Variants in PSD3 observed in about 807,000 individuals in gnomAD.
The protein encoded by PSD3 is PH and SEC7 domain-containing protein 3.
PSD3 carries 49 observed loss-of-function variants against 105.5 expected under a neutral mutation model. The ratio of observed to expected loss-of-function variants is 0.46; its 90% CI spans 0.37 to 0.59. The LOEUF (loss-of-function observed/expected upper bound fraction) is 0.59, where lower values mean the gene tolerates loss of function less well. Ranked by LOEUF, PSD3 falls within the 20% of genes least tolerant of loss-of-function variation. The pLI, the probability that PSD3 is intolerant of heterozygous loss-of-function variation, is 0.00. For missense variants in PSD3, 1,561 were observed against 1,263.8 expected, an observed-to-expected ratio of 1.24 and a Z score of -3.57; for synonymous variants, 557 against 457.8, an observed-to-expected ratio of 1.22 and a Z score of -2.77.
In PSD3 at chr8:18,575,283, A is replaced by G; in HGVS notation, c.2484T>C (p.Asp828=). 1 of 1,587,452 alleles carries G rather than the reference A, an allele frequency of 6.3e-7. No homozygotes were observed. Among genetic ancestry groups the G allele is most frequent in the Non-Finnish European group, 8.6e-7 (1 of 1,167,588 alleles). The change falls in exon 13 of 16, where the codon GAT becomes GAC. Residue 828 remains aspartate, a splice_region_variant and synonymous_variant. Transcript: ENST00000327040. ...ACAAGGCCTTTTCTGGCTTGTATTC[A>G]TCCTATAGATGGACACAAAGAAAAT... ...LKGTVLYLQK[D]EYKPEKALSE...
chr8:18,546,448 T>C (rs1297495059), intron 15 of PSD3, among the ~76,000 whole-genome samples: 1 of 152,198 alleles, frequency 6.6e-6, no homozygotes, highest in African/African-American at 2.4e-5. Flanking sequence ...CCATAAGTTA[T>C]GTGTGACTAT....
At chr8:18,551,256 G>A (rs1025339157) in intron 15 of PSD3, among the ~76,000 whole-genome samples, 7 of 152,244 alleles carry the variant, frequency 4.6e-5, no homozygotes, top group Admixed American at 4.6e-4. Flanking sequence ...ACCAGAAAGT[G>A]TTCTCCAAAG....
At position 18,623,478 on chromosome 8, in the gene PSD3, G is replaced by GA. The variant is rs564571264; in HGVS notation, c.2410+9134dup. The stretch of plus-strand genomic sequence containing the variant: ...AAAAAAAAAAAAAAAAAAGAAAAAG[G>GA]AAAAAAAAAAAATTAGCTGGGCATG... On this transcript the variant is annotated intron_variant, in intron 11 of 15. Transcript: ENST00000327040. Among the ~76,000 whole-genome samples the GA allele has an allele frequency of 7.3e-3, 975 of 134,368 alleles. 9 individuals carry two copies. The highest frequency in any genetic ancestry group is 0.019 in the African/African-American group (700 of 36,110). The allele number at this position is 134,368 out of a possible 152,430, so 88.2% of individuals were successfully genotyped here. A position where few individuals can be genotyped will look rare whatever the true frequency, so the allele number is the denominator to read the frequency against.
intron 4 of PSD3, among the ~76,000 whole-genome samples, chr8:18,839,794 T>A (rs373364108): frequency 5.9e-5 from 9 of 152,058 alleles, no homozygotes; most frequent in Non-Finnish European, 1.2e-4. Flanking sequence ...TGGCTATAAC[T>A]CTCCCATGAC....
chr8:18,875,414 A>C (rs1387573395), intron 2 of PSD3, among the ~76,000 whole-genome samples: 1 of 152,188 alleles, frequency 6.6e-6, no homozygotes, highest in African/African-American at 2.4e-5. Flanking sequence ...CTAGGGTGGA[A>C]TATTGATATT....
Position 18,560,482 on chromosome 8 carries a change from CA to C in PSD3, c.2785-4131del, listed in dbSNP as rs147551394. Reference sequence around the variant, plus strand: ...GATGGCAGAAAAATATTACATTTGACAAAGAAAAGGCATGGAGATAGAAAAT... The same window carrying C: ...GATGGCAGAAAAATATTACATTTGACAAGAAAAGGCATGGAGATAGAAAAT... On this transcript the variant is annotated intron_variant, in intron 14 of 15. Coordinates refer to ENST00000327040, the MANE Select transcript of PSD3 (RefSeq NM_015310.4). Among the ~76,000 whole-genome samples the C allele has an allele frequency of 3.7e-3, 564 of 151,818 alleles. 2 individuals are homozygous for C. The highest frequency in any genetic ancestry group is 6.6e-3 in the Non-Finnish European group (449 of 67,940).
At chr8:18,935,983 C>A in intron 2 of PSD3, 51 bp downstream of exon 2, 3 of 1,198,722 alleles carry the variant, frequency 2.5e-6, no homozygotes, top group Non-Finnish European at 3.7e-6. Flanking sequence ...ACTTTGAAAT[C>A]ACAGCTCTTC....
intron 1 of PSD3, among the ~76,000 whole-genome samples, chr8:19,076,762 G>A (rs1054461123): frequency 5.3e-5 from 8 of 152,060 alleles, no homozygotes; most frequent in African/African-American, 1.4e-4. Flanking sequence ...GAACCCGCAT[G>A]CTTCCTCCCT....
At chr8:19,025,589 A>G (rs1006134520) in intron 1 of PSD3, among the ~76,000 whole-genome samples, 3 of 152,066 alleles carry the variant, frequency 2.0e-5, no homozygotes, top group African/African-American at 7.2e-5. Context: ...ATTTGGGGTT[A>G]CCTCTCCTAC....
intron 9 of PSD3, among the ~76,000 whole-genome samples, chr8:18,684,290 C>A (rs1243413847): frequency 6.6e-6 from 1 of 151,758 alleles, no homozygotes; most frequent in Non-Finnish European, 1.5e-5. Context: ...GGCAATTGGC[C>A]AGGCAAGCAA....
intron 11 of PSD3, among the ~76,000 whole-genome samples, chr8:18,623,509 A>G (rs369547266): frequency 1.3e-5 from 2 of 150,068 alleles, no homozygotes; most frequent in Non-Finnish European, 3.0e-5. Context: ...GCATGGTGGT[A>G]TATGCCTGTA....
chr8:18,663,390 C>T (rs1260140029), intron 9 of PSD3, among the ~76,000 whole-genome samples: 1 of 151,584 alleles, frequency 6.6e-6, no homozygotes, highest in African/African-American at 2.4e-5. Flanking sequence ...CATGCCACTG[C>T]ACTCCAGCCT....
chr8:18,610,104 T>G (rs2130637942), intron 11 of PSD3, among the ~76,000 whole-genome samples: 1 of 152,374 alleles, frequency 6.6e-6, no homozygotes, highest in Non-Finnish European at 1.5e-5. Context: ...CACTTAATCC[T>G]TATAGTCTTT....
chr8:18,853,822 T>A (rs1010450501), intron 4 of PSD3, among the ~76,000 whole-genome samples: 3 of 152,168 alleles, frequency 2.0e-5, no homozygotes, highest in African/African-American at 7.2e-5. Flanking sequence ...CACCAAGCTA[T>A]GTCTAAGCGC....
At chr8:18,826,468 C>T (rs753933685) in intron 4 of PSD3, among the ~76,000 whole-genome samples, 1 of 152,204 alleles carries the variant, frequency 6.6e-6, no homozygotes, top group Non-Finnish European at 1.5e-5. Context: ...CTATATGGCT[C>T]ATCAAACAGC....
At chr8:18,636,154 A>G (rs1191732790) in intron 10 of PSD3, among the ~76,000 whole-genome samples, 3 of 152,170 alleles carry the variant, frequency 2.0e-5, no homozygotes, top group Non-Finnish European at 2.9e-5. Context: ...AAAGACAGTG[A>G]TATTGATGAT....
intron 10 of PSD3, among the ~76,000 whole-genome samples, chr8:18,645,600 C>G (rs1807972942): frequency 2.6e-5 from 4 of 152,170 alleles, no homozygotes; most frequent in Admixed American, 1.3e-4. Flanking sequence ...GTTTGTTATG[C>G]TAGTACTAAC....
intron 2 of PSD3, among the ~76,000 whole-genome samples, chr8:18,874,773 T>C (rs994458988): frequency 6.6e-6 from 1 of 151,694 alleles, no homozygotes; most frequent in South Asian, 2.1e-4. Flanking sequence ...TAATAACTGA[T>C]AATTATTAAT....
intron 1 of PSD3, among the ~76,000 whole-genome samples, chr8:19,061,913 A>G (rs1474869593): frequency 6.6e-6 from 1 of 151,992 alleles, no homozygotes; most frequent in Non-Finnish European, 1.5e-5. Context: ...CTTCAAGGTC[A>G]TGTCCTATAT....
Sources: allele counts gnomAD v4.1 joint callset (sites outside exome capture counted in the v4.1 genomes callset), GRCh38; gene constraint gnomAD v4.1.1; transcripts MANE v1.5; gene names NCBI Gene and HGNC (gene_info 2026-07-23, HGNC 2026-07-21).